Variants in MSTO1 observed in about 807,000 individuals in gnomAD.
MSTO1 encodes the protein protein misato homolog 1.
MSTO1 carries 24 observed loss-of-function variants against 55.7 expected under a neutral mutation model. The observed-to-expected ratio is 0.43, with a 90% CI of 0.31 to 0.61. MSTO1 has a LOEUF of 0.61. MSTO1 is among the 20% of genes least tolerant of loss of function. The probability of loss-of-function intolerance (pLI) is 0.09; values close to 1 mark genes in which losing one functional copy is unlikely to be tolerated. For missense variants in MSTO1, 363 were observed against 625.7 expected, an observed-to-expected ratio of 0.58 and a Z score of 4.48; for synonymous variants, 162 against 252.8, an observed-to-expected ratio of 0.64 and a Z score of 3.41.
At chr1:155,611,522 A>T (rs1210195695) in intron 4 of MSTO1, 27 bp from the exon 5 acceptor site, 1 of 1,612,932 alleles carries the variant, frequency 6.2e-7, no homozygotes, top group Non-Finnish European at 8.5e-7. Flanking sequence ...CCTGGAACTA[A>T]ATGTCGATTT....
At chr1:155,603,326 G>C in the MSTO1 span, among the ~76,000 whole-genome samples, 2 of 152,154 alleles carry the variant, frequency 1.3e-5, no homozygotes, top group East Asian at 3.9e-4. Context: ...GAACCTGAGA[G>C]GTGGAGGTTG....
At chr1:155,609,996 C>G (rs544389101), upstream of MSTO1, 50 of 515,720 alleles carry the variant, frequency 9.7e-5, no homozygotes, top group East Asian at 1.7e-3. Flanking sequence ...CCACCCCGCT[C>G]CAACGTGGAG....
the MSTO1 span, among the ~76,000 whole-genome samples, chr1:155,598,480 G>T: frequency 6.6e-6 from 1 of 152,146 alleles, no homozygotes; most frequent in Non-Finnish European, 1.5e-5. Flanking sequence ...CCAGCACTTT[G>T]GGAGGCCAAG....
chr1:155,596,873 T>TG, the MSTO1 span, among the ~76,000 whole-genome samples: 2 of 152,174 alleles, frequency 1.3e-5, no homozygotes, highest in South Asian at 2.1e-4. Context: ...GAGGCCAAAG[T>TG]GGGAGGATCC....
the MSTO1 span, among the ~76,000 whole-genome samples, chr1:155,581,767 T>A: frequency 1.7e-4 from 26 of 151,946 alleles, no homozygotes; most frequent in Non-Finnish European, 2.9e-4. Context: ...AGGCTGGAGA[T>A]AATTATCATT....
Position 155,614,497 on chromosome 1 carries a change from A to T in MSTO1, c.*224A>T. 2 of 656,014 alleles carry T rather than the reference A, an allele frequency of 3.0e-6. No individual in the cohort carries two copies. Among genetic ancestry groups the T allele is most frequent in the East Asian group, 5.5e-5 (2 of 36,686 alleles). The allele number at this position is 656,014 out of a possible 1,614,324, so 40.6% of individuals were successfully genotyped here. ...CTGAACTCCACTCTCGATGCTACTTACAGAGGACATCTGTAAAGTCTTCAT... is the reference window on the plus strand; with the variant it reads ...CTGAACTCCACTCTCGATGCTACTTTCAGAGGACATCTGTAAAGTCTTCAT... On this transcript the variant is annotated 3_prime_UTR_variant, in exon 14 of 14. Coordinates refer to ENST00000245564, the MANE Select transcript of MSTO1 (RefSeq NM_018116.4).
the MSTO1 span, among the ~76,000 whole-genome samples, chr1:155,584,769 C>T: frequency 2.7e-5 from 4 of 149,500 alleles, no homozygotes; most frequent in African/African-American, 7.3e-5. Flanking sequence ...TAGACAATAT[C>T]TCACTGTATC....
the MSTO1 span, among the ~76,000 whole-genome samples, chr1:155,575,985 G>A: frequency 1.3e-5 from 2 of 151,038 alleles, no homozygotes; most frequent in East Asian, 4.0e-4. Flanking sequence ...ACCACGCCCA[G>A]CTAATTTTGT....
the MSTO1 span, among the ~76,000 whole-genome samples, chr1:155,571,716 A>G: frequency 6.6e-6 from 1 of 152,152 alleles, no homozygotes; most frequent in Non-Finnish European, 1.5e-5. Context: ...AGCATAAGGA[A>G]TTCTGCTTTT....
the MSTO1 span, among the ~76,000 whole-genome samples, chr1:155,589,163 T>C: frequency 6.6e-6 from 1 of 152,030 alleles, no homozygotes; most frequent in Non-Finnish European, 1.5e-5. Flanking sequence ...CTGCGTGTGG[T>C]GGCACACACC....
the MSTO1 span, among the ~76,000 whole-genome samples, chr1:155,567,343 G>C: frequency 7.3e-6 from 1 of 137,094 alleles, no homozygotes. Context: ...ACGGAGTCTC[G>C]TTCTGTCGCC....
At chr1:155,598,844 A>G in the MSTO1 span, 2 of 1,418,100 alleles carry the variant, frequency 1.4e-6, no homozygotes, top group Non-Finnish European at 2.0e-6. Flanking sequence ...GGAACCGGAA[A>G]AACACTCGGT....
At chr1:155,605,730 C>G (rs557926638), upstream of MSTO1, among the ~76,000 whole-genome samples, 18 of 152,272 alleles carry the variant, frequency 1.2e-4, no homozygotes, top group African/African-American at 4.1e-4. Flanking sequence ...GAGCTCTGAT[C>G]CAGCCATTGC....
At chr1:155,596,343 A>T in the MSTO1 span, among the ~76,000 whole-genome samples, 29 of 152,320 alleles carry the variant, frequency 1.9e-4, no homozygotes, top group Admixed American at 7.2e-4. Flanking sequence ...GAGCATCTCT[A>T]TACACAGCAC....
At chr1:155,574,511 G>A in the MSTO1 span, among the ~76,000 whole-genome samples, 1 of 152,130 alleles carries the variant, frequency 6.6e-6, no homozygotes, top group Non-Finnish European at 1.5e-5. Context: ...TGAATGAAGA[G>A]TGTACGAAAG....
the MSTO1 span, among the ~76,000 whole-genome samples, chr1:155,596,791 G>A: frequency 2.0e-5 from 3 of 151,340 alleles, no homozygotes; most frequent in Non-Finnish European, 2.9e-5. Context: ...AACAATGGGA[G>A]ATATCTTTTC....
the MSTO1 span, chr1:155,602,038 G>T: frequency 1.8e-6 from 1 of 558,548 alleles, no homozygotes; most frequent in Non-Finnish European, 3.5e-6. Flanking sequence ...ACAGGTATGA[G>T]CCGCCGCGCC....
chr1:155,575,446 T>G, the MSTO1 span, among the ~76,000 whole-genome samples: 1 of 152,170 alleles, frequency 6.6e-6, no homozygotes, highest in Non-Finnish European at 1.5e-5. Context: ...TTTTGCCTTT[T>G]TTTTTCTTAA....
chr1:155,610,253 C>G lies in MSTO1; in HGVS notation c.5C>G (p.Ala2Gly). The G allele has an allele frequency of 1.5e-6, 1 of 683,872 alleles. No homozygotes were observed. The highest frequency in any genetic ancestry group is 2.6e-5 in the East Asian group (1 of 38,482). 42.4% of individuals were successfully genotyped at this position (683,872 alleles called of 1,614,324 possible). A position where few individuals can be genotyped will look rare whatever the true frequency, so the allele number is the denominator to read the frequency against. ...GGCCCCGTGGAGCAGCGCAGTATGG[C>G]GGGCGGGGCCCGGGAGGTGCTCACA... MAGGAREVLTLQ... is the reference protein window; with the variant it reads MGGGAREVLTLQ... Residue 2 changes from alanine to glycine, a missense_variant, in exon 1 of 14, where the codon GCG becomes GGG. Transcript: ENST00000245564.
Sources: gnomAD v4.1 joint callset for allele counts (sites outside exome capture counted in the v4.1 genomes callset) on GRCh38, gnomAD v4.1.1 for gene constraint, MANE v1.5 for transcripts, NCBI Gene and HGNC (gene_info 2026-07-23, HGNC 2026-07-21) for gene names.